Variants in MTHFD1L observed in about 807,000 individuals in gnomAD.
MTHFD1L encodes methylenetetrahydrofolate dehydrogenase (NADP+ dependent) 1 like.
In MTHFD1L, 81 loss-of-function variants were observed where a neutral mutation model predicts 119.5. The ratio of observed to expected loss-of-function variants is 0.68; its 90% confidence interval spans 0.57 to 0.82. The LOEUF (loss-of-function observed/expected upper bound fraction) is 0.82, where lower values mean the gene tolerates loss of function less well. Ranked by LOEUF, MTHFD1L falls within the 40% of genes least tolerant of loss-of-function variation. MTHFD1L has a pLI of 0.00. For missense variants in MTHFD1L, 1,125 were observed against 1,253.4 expected (o/e 0.90, Z 1.55); for synonymous variants, 430 against 475.2 (o/e 0.90, Z 1.24).
chr6:151,076,046 C>A (rs1056334533), intron 26 of MTHFD1L, among the ~76,000 whole-genome samples: 1 of 152,168 alleles, frequency 6.6e-6, no homozygotes, highest in Non-Finnish European at 1.5e-5. Context: ...CAGTGAATAC[C>A]GCTGCATAGC....
rs1432751783 is a variant in MTHFD1L, at chr6:150,885,730, A to G, written c.639A>G (p.Lys213=). The change falls in exon 6 of 28, where the codon AAA becomes AAG. Residue 213 remains lysine (K), a synonymous_variant. Coordinates refer to ENST00000367321, the MANE Select transcript of MTHFD1L (RefSeq NM_015440.5). ...VAKAVIELLE[K]SGVNLDGKKI... is the part of the protein sequence containing the mutation. ...AAGCTGTAATTGAACTTCTTGAAAA[A>G]TCAGGTAGGATGCTCCTTGAGAAAT... The G allele has an allele frequency of 3.1e-6, 5 of 1,607,838 alleles. No individual in the cohort carries two copies. The highest frequency in any genetic ancestry group is 1.7e-5 in the Admixed American group (1 of 60,000).
intron 20 of MTHFD1L, among the ~76,000 whole-genome samples, chr6:151,001,595 G>A (rs1780629079): frequency 6.6e-6 from 1 of 152,146 alleles, no homozygotes; most frequent in Admixed American, 6.5e-5. Flanking sequence ...GGGAGAGCTG[G>A]TGCCTGGCTG....
chr6:150,945,621 C>G, intron 15 of MTHFD1L, 80 bp downstream of exon 15: 1 of 1,412,546 alleles, frequency 7.1e-7, no homozygotes, highest in Non-Finnish European at 9.9e-7. Context: ...CTGAAATTTT[C>G]AACTTGGTTT....
intron 24 of MTHFD1L, among the ~76,000 whole-genome samples, chr6:151,029,802 A>AT (rs1785088434): frequency 6.6e-6 from 1 of 152,172 alleles, no homozygotes; most frequent in Non-Finnish European, 1.5e-5. Context: ...TATAAAAAAA[A>AT]TTTTTTTAAA....
chr6:150,946,447 G>C (rs1793962741), intron 15 of MTHFD1L, among the ~76,000 whole-genome samples: 2 of 152,214 alleles, frequency 1.3e-5, no homozygotes. Context: ...ACTGCGCCCA[G>C]CCTCATCTAC....
chr6:151,042,944 AAG>A (rs1343432249), intron 26 of MTHFD1L, among the ~76,000 whole-genome samples: 1 of 152,230 alleles, frequency 6.6e-6, no homozygotes, highest in Admixed American at 6.5e-5. Context: ...GGCCAGTTGC[AAG>A]AGAGTGAGAA....
At chr6:151,034,623 A>G in intron 25 of MTHFD1L, 23 bp downstream of exon 25, 1 of 1,507,220 alleles carries the variant, frequency 6.6e-7, no homozygotes, top group Non-Finnish European at 9.2e-7. Context: ...CTTTTAGGGG[A>G]AAAGAAAAAA....
At chr6:151,058,197 G>A (rs1790212448) in intron 26 of MTHFD1L, among the ~76,000 whole-genome samples, 1 of 152,156 alleles carries the variant, frequency 6.6e-6, no homozygotes, top group South Asian at 2.1e-4. Flanking sequence ...TTATTGCACT[G>A]ACATTCTAAT....
At chr6:150,905,134 A>G (rs774836631) in intron 7 of MTHFD1L, among the ~76,000 whole-genome samples, 8 of 147,508 alleles carry the variant, frequency 5.4e-5, no homozygotes, top group Non-Finnish European at 1.0e-4. Flanking sequence ...CCTGGGTTCA[A>G]GTGATTCTCG....
At position 150,923,897 on chromosome 6, in the gene MTHFD1L, G is replaced by A. The variant is rs539980683; in HGVS notation, c.1082+1595G>A. Among the ~76,000 whole-genome samples, 4 of 152,128 alleles carry A rather than the reference G, an allele frequency of 2.6e-5. No individual in the cohort carries two copies. In the East Asian group the frequency reaches 7.7e-4, roughly 29 times the overall value. On this transcript the variant is annotated intron_variant, in intron 10 of 27. Coordinates refer to ENST00000367321, the MANE Select transcript of MTHFD1L (RefSeq NM_015440.5). ...TTTGTAATATCATCCCTGGGCTTGT[G>A]CAATCTGTTTCATAAAATATCTTAT...
intron 18 of MTHFD1L, among the ~76,000 whole-genome samples, chr6:150,960,819 A>C (rs1457464060): frequency 5.3e-5 from 8 of 152,194 alleles, no homozygotes. Flanking sequence ...CTCTGCTTCC[A>C]TGAACAGGAA....
chr6:151,096,162 G>T (rs950107949), intron 27 of MTHFD1L, among the ~76,000 whole-genome samples: 1 of 152,180 alleles, frequency 6.6e-6, no homozygotes, highest in African/African-American at 2.4e-5. Context: ...TGAGGATAAT[G>T]AGGTAATTTT....
At chr6:151,012,326 A>G (rs970147906) in intron 21 of MTHFD1L, among the ~76,000 whole-genome samples, 5 of 151,762 alleles carry the variant, frequency 3.3e-5, no homozygotes, top group Middle Eastern at 6.8e-3. Context: ...TCCTTCCTTC[A>G]TATTGAATAG....
At chr6:151,036,178 G>A (rs1201303916) in intron 25 of MTHFD1L, among the ~76,000 whole-genome samples, 1 of 152,184 alleles carries the variant, frequency 6.6e-6, no homozygotes, top group Non-Finnish European at 1.5e-5. Flanking sequence ...GCACTTTGTG[G>A]GGTCAAGGCA....
chr6:150,914,035 C>T (rs1037331553), intron 8 of MTHFD1L, among the ~76,000 whole-genome samples: 1 of 152,026 alleles, frequency 6.6e-6, no homozygotes, highest in Non-Finnish European at 1.5e-5. Flanking sequence ...GAGGCAGAGG[C>T]AGAAGAGTCC....
At chr6:150,899,984 T>G (rs887544382) in intron 7 of MTHFD1L, among the ~76,000 whole-genome samples, 1 of 148,060 alleles carries the variant, frequency 6.8e-6, no homozygotes, top group African/African-American at 2.4e-5. Flanking sequence ...AAAAAATAGA[T>G]ATATATATAT....
At chr6:150,958,688 A>G (rs1467554877) in intron 17 of MTHFD1L, among the ~76,000 whole-genome samples, 1 of 152,248 alleles carries the variant, frequency 6.6e-6, no homozygotes, top group East Asian at 1.9e-4. Flanking sequence ...ATGAAAAGGT[A>G]AATACTAAAT....
At chr6:151,059,098 C>T (rs1458786036) in intron 26 of MTHFD1L, among the ~76,000 whole-genome samples, 1 of 152,222 alleles carries the variant, frequency 6.6e-6, no homozygotes, top group East Asian at 1.9e-4. Context: ...GCCCAAAGTC[C>T]TGCCCTGGCC....
chr6:150,889,102 G>C (rs977594752), intron 7 of MTHFD1L, among the ~76,000 whole-genome samples: 1 of 152,122 alleles, frequency 6.6e-6, no homozygotes, highest in East Asian at 1.9e-4. Flanking sequence ...GCTTGAACCC[G>C]GGAGGCAGGG....
Sources: allele counts gnomAD v4.1 joint callset (sites outside exome capture counted in the v4.1 genomes callset), GRCh38; gene constraint gnomAD v4.1.1; transcripts MANE v1.5; gene names NCBI Gene and HGNC (gene_info 2026-07-23, HGNC 2026-07-21).